CDH18: variants seen among roughly 807,000 people sequenced by gnomAD.
CDH18 encodes cadherin-18.
Under a neutral mutation model 67.9 loss-of-function variants are expected in CDH18, and 31 were observed. That is an observed-to-expected ratio of 0.46 (90% confidence interval 0.34 to 0.62). The LOEUF is 0.62. Among genes scored for constraint, CDH18 ranks in the 20% least tolerant of loss-of-function variants. CDH18 has a pLI of 0.01. For missense variants in CDH18, 890 were observed against 975.5 expected, an observed-to-expected ratio of 0.91 and a Z score of 1.17; for synonymous variants, 362 against 347.2, an observed-to-expected ratio of 1.04 and a Z score of -0.48.
chr5:19,794,967 G>A (rs1452129626), intron 3 of CDH18, among the ~76,000 whole-genome samples: 4 of 152,090 alleles, frequency 2.6e-5, no homozygotes, highest in Non-Finnish European at 5.9e-5. Flanking sequence ...TAGGTCAGCA[G>A]CAGGGTATCT....
At chr5:20,098,881 G>A (rs996065056) in intron 2 of CDH18, among the ~76,000 whole-genome samples, 2 of 152,014 alleles carry the variant, frequency 1.3e-5, no homozygotes, top group Non-Finnish European at 2.9e-5. Context: ...TATTAGCCAC[G>A]AATTAAGTTA....
intron 2 of CDH18, among the ~76,000 whole-genome samples, chr5:20,236,180 T>C (rs1255313591): frequency 6.6e-6 from 1 of 151,824 alleles, no homozygotes; most frequent in African/African-American, 2.4e-5. Context: ...CATCACACAA[T>C]GTACCTTTGA....
At chr5:20,212,192 T>C (rs1313377086) in intron 2 of CDH18, among the ~76,000 whole-genome samples, 1 of 151,952 alleles carries the variant, frequency 6.6e-6, no homozygotes, top group East Asian at 1.9e-4. Context: ...TGATTGAAGA[T>C]AAAATGAATG....
At chr5:19,731,627 T>G (rs1055348042) in intron 4 of CDH18, among the ~76,000 whole-genome samples, 2 of 152,218 alleles carry the variant, frequency 1.3e-5, no homozygotes. Flanking sequence ...CTCAGCATAT[T>G]AGAACCTGAC....
chr5:20,090,362 C>T (rs879724628), intron 2 of CDH18, among the ~76,000 whole-genome samples: 3 of 152,072 alleles, frequency 2.0e-5, no homozygotes, highest in Admixed American at 6.6e-5. Context: ...TAGAGAAACC[C>T]CGTCTCTACC....
chr5:19,582,622 T>C (rs951839362), intron 7 of CDH18, among the ~76,000 whole-genome samples: 2 of 152,026 alleles, frequency 1.3e-5, no homozygotes, highest in Non-Finnish European at 2.9e-5. Flanking sequence ...AGAAACTTAG[T>C]TGAGTTTTTT....
intron 5 of CDH18, among the ~76,000 whole-genome samples, chr5:19,662,096 G>A (rs1159077094): frequency 6.6e-6 from 1 of 151,332 alleles, no homozygotes; most frequent in Non-Finnish European, 1.5e-5. Flanking sequence ...GCCACCATGT[G>A]GCTTACCTTT....
In CDH18 at chr5:19,843,944, T is replaced by C. The variant is rs182913525; in HGVS notation, c.-256-4702A>G. 2.4e-3 allele frequency among the ~76,000 whole-genome samples: 370 copies of C among 152,316 alleles called. 2 individuals carry two copies. Among genetic ancestry groups the C allele is most frequent in the Non-Finnish European group, 3.2e-3 (216 of 68,018 alleles). On this transcript the variant is annotated intron_variant, in intron 2 of 12. Coordinates refer to ENST00000382275, the MANE Select transcript of CDH18 (RefSeq NM_004934.5). ...CTCCCATTGGAGAAGAATTCAAAGA[T>C]TGATTCTTATTCAAAACTATTCCCA...
intron 2 of CDH18, among the ~76,000 whole-genome samples, chr5:20,028,235 C>A (rs1174895428): frequency 1.3e-5 from 2 of 151,690 alleles, no homozygotes; most frequent in Non-Finnish European, 2.9e-5. Flanking sequence ...TTTGTCTTGT[C>A]TTTCATTTAT....
intron 12 of CDH18, among the ~76,000 whole-genome samples, chr5:19,477,808 CA>C (rs1235744305): frequency 1.3e-5 from 2 of 150,752 alleles, no homozygotes; most frequent in East Asian, 1.9e-4. Context: ...GGTGGTGTTA[CA>C]AAAAAAAGAA....
At chr5:19,576,209 T>TA (rs1171135648) in intron 7 of CDH18, among the ~76,000 whole-genome samples, 5 of 151,610 alleles carry the variant, frequency 3.3e-5, no homozygotes, top group African/African-American at 7.3e-5. Flanking sequence ...TGTCTATAAC[T>TA]AAAAAAAATA....
chr5:19,979,737 G>T (rs1255261754), intron 2 of CDH18, among the ~76,000 whole-genome samples: 16 of 152,174 alleles, frequency 1.1e-4, no homozygotes, highest in Admixed American at 1.0e-3. Flanking sequence ...ATGATTAAAT[G>T]AGTACTTTGT....
At chr5:20,486,680 TG>T (rs113839163) in intron 1 of CDH18, among the ~76,000 whole-genome samples, 4,863 of 87,378 alleles carry the variant, frequency 0.056, 276 homozygotes, top group African/African-American at 0.24. Context: ...TTGCTATTTT[TG>T]TATATATATA....
rs549806578 is a variant in CDH18, at chr5:19,755,246, G to A, written c.229-8010C>T. Reference sequence around the variant, plus strand: ...AAAAGAAATAAAAAGCTGGTTCTTCGAAGAAATAAATAAAATTGATTGACC... The same window carrying A: ...AAAAGAAATAAAAAGCTGGTTCTTCAAAGAAATAAATAAAATTGATTGACC... On this transcript the variant is annotated intron_variant, in intron 3 of 12. Coordinates refer to ENST00000382275, the MANE Select transcript of CDH18 (RefSeq NM_004934.5). 4.1e-4 allele frequency among the ~76,000 whole-genome samples: 61 copies of A among 149,552 alleles called. No homozygotes were observed. The South Asian group carries it at 4.9e-3, about 12-fold the overall frequency.
chr5:20,026,286 G>T (rs570762631), intron 2 of CDH18, among the ~76,000 whole-genome samples: 1 of 152,110 alleles, frequency 6.6e-6, no homozygotes, highest in African/African-American at 2.4e-5. Context: ...TTGCTAATAA[G>T]ATGCTATGTG....
At chr5:20,305,377 G>A in intron 1 of CDH18, 2 of 1,548,804 alleles carry the variant, frequency 1.3e-6, no homozygotes, top group Admixed American at 1.7e-5. Context: ...CACAGAGAAT[G>A]TTCCCACCTC....
chr5:19,934,099 C>T (rs1216891973), intron 2 of CDH18, among the ~76,000 whole-genome samples: 1 of 150,288 alleles, frequency 6.7e-6, no homozygotes, highest in Admixed American at 6.7e-5. Flanking sequence ...AATCCTAGTA[C>T]TTAGGACAAC....
intron 1 of CDH18, among the ~76,000 whole-genome samples, chr5:20,370,638 T>C (rs1045392932): frequency 5.3e-5 from 8 of 152,226 alleles, no homozygotes; most frequent in African/African-American, 1.4e-4. Flanking sequence ...CTATGACAGA[T>C]ACAGGAGAGA....
chr5:20,502,115 A>G (rs914966495), intron 1 of CDH18, among the ~76,000 whole-genome samples: 3 of 152,104 alleles, frequency 2.0e-5, no homozygotes, highest in African/African-American at 7.2e-5. Flanking sequence ...TACTAAATCT[A>G]GCTTTAGATT....
Sources: allele counts gnomAD v4.1 joint callset (sites outside exome capture counted in the v4.1 genomes callset), GRCh38; gene constraint gnomAD v4.1.1; transcripts MANE v1.5; gene names NCBI Gene and HGNC (gene_info 2026-07-23, HGNC 2026-07-21).